EFNA5: variants seen among roughly 807,000 people sequenced by gnomAD.
EFNA5 encodes ephrin-A5.
EFNA5 carries 5 observed loss-of-function variants against 22.9 expected under a neutral mutation model. The ratio of observed to expected loss-of-function variants is 0.22; its 90% CI spans 0.11 to 0.46. The LOEUF (loss-of-function observed/expected upper bound fraction) is 0.46. Ranked by LOEUF, EFNA5 falls within the 20% of genes least tolerant of loss-of-function variation. EFNA5 has a pLI of 0.99. For missense variants in EFNA5, 237 were observed against 293.3 expected (o/e 0.81, Z 1.40); for synonymous variants, 113 against 112.2 (o/e 1.01, Z -0.04).
intron 2 of EFNA5, among the ~76,000 whole-genome samples, chr5:107,408,188 CCCATCA>C (rs1554057174): frequency 4.5e-4 from 68 of 152,048 alleles, no homozygotes; most frequent in South Asian, 2.5e-3. Flanking sequence ...CACACACACA[CCCATCA>C]CCATCACCAT....
intron 1 of EFNA5, among the ~76,000 whole-genome samples, chr5:107,474,780 G>A (rs2112390059): frequency 8.3e-6 from 1 of 119,926 alleles, no homozygotes; most frequent in Non-Finnish European, 2.0e-5. Flanking sequence ...GAATGATGCT[G>A]GCTGACCTGC....
chr5:107,464,087 G>C (rs7712393), intron 1 of EFNA5, among the ~76,000 whole-genome samples: 1 of 152,010 alleles, frequency 6.6e-6, no homozygotes, highest in East Asian at 1.9e-4. Context: ...CTACAGTGAG[G>C]GGACAGTAGG....
At chr5:107,559,743 A>G (rs1318097682) in intron 1 of EFNA5, among the ~76,000 whole-genome samples, 2 of 152,228 alleles carry the variant, frequency 1.3e-5, no homozygotes. Context: ...TGGTGCTAGG[A>G]GTAAAATTGC....
At chr5:107,446,414 G>A (rs910224953) in intron 1 of EFNA5, among the ~76,000 whole-genome samples, 3 of 152,108 alleles carry the variant, frequency 2.0e-5, no homozygotes, top group African/African-American at 7.2e-5. Flanking sequence ...TTAGTAGGTA[G>A]AGTGTAATTT....
intron 1 of EFNA5, among the ~76,000 whole-genome samples, chr5:107,456,236 A>G (rs1406728582): frequency 2.0e-5 from 3 of 152,236 alleles, no homozygotes; most frequent in African/African-American, 7.2e-5. Flanking sequence ...TAAGCTAACT[A>G]GGGTGTGATT....
intron 1 of EFNA5, among the ~76,000 whole-genome samples, chr5:107,563,864 C>G (rs1372311402): frequency 6.6e-6 from 1 of 152,194 alleles, no homozygotes; most frequent in Non-Finnish European, 1.5e-5. Context: ...TAAGATTATT[C>G]TTTCTAAAGT....
intron 1 of EFNA5, among the ~76,000 whole-genome samples, chr5:107,483,443 C>T (rs1750540105): frequency 6.6e-6 from 1 of 152,162 alleles, no homozygotes; most frequent in African/African-American, 2.4e-5. Context: ...GTATCCGTCT[C>T]GGATTCTAGA....
At chr5:107,529,364 G>A (rs1355654547) in intron 1 of EFNA5, among the ~76,000 whole-genome samples, 1 of 152,044 alleles carries the variant, frequency 6.6e-6, no homozygotes, top group African/African-American at 2.4e-5. Flanking sequence ...TTATGCACCA[G>A]GTCAGGTAAA....
At chr5:107,413,221 G>A (rs1748416633) in intron 2 of EFNA5, among the ~76,000 whole-genome samples, 1 of 151,868 alleles carries the variant, frequency 6.6e-6, no homozygotes, top group African/African-American at 2.4e-5. Flanking sequence ...CTTTTAAAAG[G>A]AACCTATGAA....
chr5:107,670,036 A>C (rs1751156108), intron 1 of EFNA5, among the ~76,000 whole-genome samples: 1 of 145,372 alleles, frequency 6.9e-6, no homozygotes, highest in Admixed American at 6.8e-5. Context: ...AAATTAAAAA[A>C]AAAAAAAAAA....
intron 1 of EFNA5, among the ~76,000 whole-genome samples, chr5:107,619,444 GA>G (rs1185699401): frequency 1.3e-5 from 2 of 151,368 alleles, no homozygotes; most frequent in Non-Finnish European, 2.9e-5. Context: ...GCTCCTTTCT[GA>G]ATTCTACATC....
chr5:107,564,581 T>TGG (rs773722516), intron 1 of EFNA5, among the ~76,000 whole-genome samples: 22 of 151,930 alleles, frequency 1.4e-4, no homozygotes, highest in African/African-American at 5.1e-4. Context: ...GAAGAAGAAA[T>TGG]GGCTGAAACC....
intron 1 of EFNA5, among the ~76,000 whole-genome samples, chr5:107,481,693 A>C (rs1750466063): frequency 6.6e-6 from 1 of 151,902 alleles, no homozygotes; most frequent in African/African-American, 2.4e-5. Context: ...TGCTAAAGAT[A>C]ACACAAATTA....
At chr5:107,661,362 T>A (rs554461703) in intron 1 of EFNA5, among the ~76,000 whole-genome samples, 1 of 152,230 alleles carries the variant, frequency 6.6e-6, no homozygotes, top group Non-Finnish European at 1.5e-5. Context: ...GTGAGAAACT[T>A]AAAATGAAAA....
At chr5:107,445,869 C>T (rs562317408) in intron 1 of EFNA5, among the ~76,000 whole-genome samples, 6 of 152,278 alleles carry the variant, frequency 3.9e-5, no homozygotes, top group African/African-American at 9.6e-5. Flanking sequence ...TGGTAGTTAT[C>T]GAGTAAATCA....
intron 1 of EFNA5, among the ~76,000 whole-genome samples, chr5:107,658,997 G>A (rs151335397): frequency 6.6e-6 from 1 of 152,032 alleles, no homozygotes; most frequent in Non-Finnish European, 1.5e-5. Context: ...ATCTACATGT[G>A]CACATTTATG....
chr5:107,527,674 T>A (rs533753132), intron 1 of EFNA5, among the ~76,000 whole-genome samples: 2 of 152,204 alleles, frequency 1.3e-5, no homozygotes, highest in Non-Finnish European at 2.9e-5. Context: ...AAAATCATTC[T>A]ATTGTTAAAA....
chr5:107,403,025 G>A (rs1187235853), intron 2 of EFNA5, among the ~76,000 whole-genome samples: 2 of 152,278 alleles, frequency 1.3e-5, no homozygotes, highest in African/African-American at 2.4e-5. Flanking sequence ...CCAACAAATG[G>A]CCAGCGTGCT....
At chr5:107,576,301 C>A (rs1748926831) in intron 1 of EFNA5, among the ~76,000 whole-genome samples, 2 of 152,126 alleles carry the variant, frequency 1.3e-5, no homozygotes, top group Admixed American at 1.3e-4. Context: ...AATCACATAA[C>A]AAGTTTAGGA....
Sources: gnomAD v4.1 joint callset for allele counts (sites outside exome capture counted in the v4.1 genomes callset) on GRCh38, gnomAD v4.1.1 for gene constraint, MANE v1.5 for transcripts, NCBI Gene and HGNC (gene_info 2026-07-23, HGNC 2026-07-21) for gene names.